Variants in ARAP2 observed in about 807,000 individuals in gnomAD.
ARAP2 encodes the protein arf-GAP with Rho-GAP domain, ANK repeat and PH domain-containing protein 2.
Under a neutral mutation model 194.5 loss-of-function variants are expected in ARAP2, and 148 were observed. The observed-to-expected ratio is 0.76, with a 90% confidence interval of 0.67 to 0.87. The LOEUF (loss-of-function observed/expected upper bound fraction) is 0.87. Ranked by LOEUF, ARAP2 falls within the 40% of genes least tolerant of loss-of-function variation. ARAP2 has a pLI of 0.00. For synonymous variants in ARAP2, 695 were observed against 683.5 expected, an observed-to-expected ratio of 1.02 and a Z score of -0.26; for missense variants, 2,128 against 1,989.7, an observed-to-expected ratio of 1.07 and a Z score of -1.32.
rs574022092 is a variant in ARAP2 at position 36,119,782 on chromosome 4, C to T, written c.3895-64G>A. On this transcript the variant is annotated intron_variant, in intron 23 of 32. Transcript: ENST00000303965. ...AATACGAAGAGTGATGACACTCATCCTCATGTAATCTTCAGGAATTTAAAT... is the reference window on the plus strand; with the variant it reads ...AATACGAAGAGTGATGACACTCATCTTCATGTAATCTTCAGGAATTTAAAT... 6 of 1,106,948 alleles carry T rather than the reference C, an allele frequency of 5.4e-6. No homozygotes were observed. In the African/African-American group the frequency reaches 9.4e-5, roughly 17 times the overall value. 68.6% of individuals were successfully genotyped at this position (1,106,948 alleles called of 1,614,324 possible).
intron 7 of ARAP2, among the ~76,000 whole-genome samples, 182 bp downstream of exon 7, chr4:36,193,396 C>T (rs1307278158): frequency 6.6e-6 from 1 of 152,146 alleles, no homozygotes; most frequent in Non-Finnish European, 1.5e-5. Context: ...AAAGTACATA[C>T]TTAAGACAAA....
intron 27 of ARAP2, among the ~76,000 whole-genome samples, chr4:36,101,904 T>A (rs574141762): frequency 6.6e-6 from 1 of 152,120 alleles, no homozygotes; most frequent in African/African-American, 2.4e-5. Context: ...CAGGTGCCTT[T>A]CTTGGTTTCA....
intron 21 of ARAP2, among the ~76,000 whole-genome samples, chr4:36,128,222 A>C (rs1306492848): frequency 6.6e-6 from 1 of 152,000 alleles, no homozygotes; most frequent in East Asian, 1.9e-4. Context: ...TTAGTAGCAC[A>C]CATGGACTTG....
intron 21 of ARAP2, among the ~76,000 whole-genome samples, chr4:36,126,845 T>C (rs1200303497): frequency 6.6e-6 from 1 of 152,008 alleles, no homozygotes; most frequent in African/African-American, 2.4e-5. Context: ...CTGTTGTTGT[T>C]GTTGTTTAAC....
At chr4:36,204,365 T>C (rs2109241672) in intron 6 of ARAP2, among the ~76,000 whole-genome samples, 1 of 152,168 alleles carries the variant, frequency 6.6e-6, no homozygotes, top group South Asian at 2.1e-4. Flanking sequence ...TAACAATGTT[T>C]AGGGGGGAAA....
chr4:36,112,692 TAA>T lies in ARAP2; in HGVS notation c.4156+1476_4156+1477del, dbSNP rs199627031. Among the ~76,000 whole-genome samples the T allele has an allele frequency of 2.3e-3, 329 of 142,324 alleles. 2 individuals are homozygous for T. Among genetic ancestry groups the T allele is most frequent in the African/African-American group, 8.2e-3 (321 of 39,080 alleles). The allele number at this position is 142,324 out of a possible 152,430, so 93.4% of individuals were successfully genotyped here. ...GGCACTATGCTAGACATTAGAGATTTAAAAAAAAAAAACAGAATTGCTCCTAC... is the reference window on the plus strand; with the variant it reads ...GGCACTATGCTAGACATTAGAGATTTAAAAAAAAAACAGAATTGCTCCTAC... On this transcript the variant is annotated intron_variant, in intron 26 of 32. Coordinates refer to ENST00000303965, the MANE Select transcript of ARAP2 (RefSeq NM_015230.4).
chr4:36,093,492 T>C (rs1380394211), intron 27 of ARAP2, among the ~76,000 whole-genome samples: 1 of 152,120 alleles, frequency 6.6e-6, no homozygotes, highest in African/African-American at 2.4e-5. Context: ...ACACATTATA[T>C]ACACTCTCTA....
At chr4:36,160,753 GA>G in intron 12 of ARAP2, 112 bp from the exon 13 acceptor site, 1 of 897,828 alleles carries the variant, frequency 1.1e-6, no homozygotes. Flanking sequence ...TAAAATACAG[GA>G]AAACACATGA....
At chr4:36,183,559 T>C (rs1451252629) in intron 8 of ARAP2, among the ~76,000 whole-genome samples, 1 of 152,198 alleles carries the variant, frequency 6.6e-6, no homozygotes, top group Non-Finnish European at 1.5e-5. Flanking sequence ...TGTTTTGAAG[T>C]ATCACATCTC....
intron 6 of ARAP2, among the ~76,000 whole-genome samples, chr4:36,204,411 T>C (rs1008004696): frequency 2.0e-5 from 3 of 152,272 alleles, no homozygotes; most frequent in African/African-American, 4.8e-5. Flanking sequence ...TCTGAAAACA[T>C]TGACTCCCTA....
intron 31 of ARAP2, among the ~76,000 whole-genome samples, chr4:36,075,979 C>A (rs1728165542): frequency 1.3e-5 from 2 of 152,178 alleles, no homozygotes; most frequent in Non-Finnish European, 2.9e-5. Flanking sequence ...AAAACCCTGC[C>A]TGCGTCACAT....
intron 15 of ARAP2, among the ~76,000 whole-genome samples, chr4:36,156,038 T>A (rs543957220): frequency 6.6e-6 from 1 of 152,026 alleles, no homozygotes; most frequent in Non-Finnish European, 1.5e-5. Flanking sequence ...TCCCAGCACA[T>A]TGAGAGGCTG....
At chr4:36,176,005 A>C (rs1737825843) in intron 9 of ARAP2, among the ~76,000 whole-genome samples, 1 of 152,172 alleles carries the variant, frequency 6.6e-6, no homozygotes, top group Non-Finnish European at 1.5e-5. Flanking sequence ...TATTGAAAGC[A>C]TACCCTGAAA....
chr4:36,171,106 T>C (rs1736512323), intron 9 of ARAP2, among the ~76,000 whole-genome samples: 1 of 152,162 alleles, frequency 6.6e-6, no homozygotes, highest in Non-Finnish European at 1.5e-5. Flanking sequence ...GTTCACTTAT[T>C]TGCAAAATAG....
In ARAP2 at chr4:36,008,583, T is replaced by C. The variant is rs193234014; in HGVS notation, n.1326-1537A>G. 1.4e-3 allele frequency among the ~76,000 whole-genome samples: 211 copies of C among 152,088 alleles called. 4 individuals carry two copies. The highest frequency in any genetic ancestry group is 7.7e-3 in the South Asian group (37 of 4,826). On this transcript the variant is annotated intron_variant and non_coding_transcript_variant, in intron 9 of 12. Transcript: ENST00000503225. ...GACTTAAATGTAAAACCTCAAACTA[T>C]AAAAATCCTAGAAGAAACCCTAGGA... is the stretch of plus-strand genomic sequence containing the variant.
chr4:36,007,760 G>T (rs116153442), intron 9 of ARAP2, among the ~76,000 whole-genome samples: 119 of 152,172 alleles, frequency 7.8e-4, no homozygotes, highest in African/African-American at 2.7e-3. Context: ...AATATACTAT[G>T]CTTTCATTTC....
At chr4:36,024,227 G>C (rs1267488450) in intron 5 of ARAP2, among the ~76,000 whole-genome samples, 2 of 152,130 alleles carry the variant, frequency 1.3e-5, no homozygotes, top group African/African-American at 4.8e-5. Flanking sequence ...CCTTCCAAAA[G>C]TTGATCAAGT....
At chr4:36,145,149 C>T (rs1729343084) in intron 19 of ARAP2, among the ~76,000 whole-genome samples, 1 of 151,710 alleles carries the variant, frequency 6.6e-6, no homozygotes, top group East Asian at 1.9e-4. Flanking sequence ...AATAGAACTA[C>T]CATTTGATCC....
chr4:36,063,030 CA>C (rs911820618), downstream of ARAP2, among the ~76,000 whole-genome samples: 2 of 152,058 alleles, frequency 1.3e-5, no homozygotes, highest in African/African-American at 4.8e-5. Context: ...AACAGTGAAA[CA>C]GTAGAAAAAC....
Sources: gnomAD v4.1 joint callset for allele counts (sites outside exome capture counted in the v4.1 genomes callset) on GRCh38, gnomAD v4.1.1 for gene constraint, MANE v1.5 for transcripts, NCBI Gene and HGNC (gene_info 2026-07-23, HGNC 2026-07-21) for gene names.